Variants in AGBL1 observed in about 807,000 individuals in gnomAD.
The protein encoded by AGBL1 is AGBL carboxypeptidase 1, also known as cytosolic carboxypeptidase 4.
Under a neutral mutation model 118.9 loss-of-function variants are expected in AGBL1, and 130 were observed. That is an observed-to-expected ratio of 1.09 (90% confidence interval 0.95 to 1.26). The LOEUF is 1.26. Among genes scored for constraint, AGBL1 ranks in the 50% most tolerant of loss-of-function variants. The probability of loss-of-function intolerance (pLI) is 0.00; values close to 1 mark genes in which losing one functional copy is unlikely to be tolerated. For synonymous variants in AGBL1, 555 were observed against 478.9 expected, an observed-to-expected ratio of 1.16 and a Z score of -2.08; for missense variants, 1,584 against 1,298.1, an observed-to-expected ratio of 1.22 and a Z score of -3.38.
chr15:86,339,783 A>G (rs563464349), intron 17 of AGBL1, among the ~76,000 whole-genome samples: 5 of 152,254 alleles, frequency 3.3e-5, no homozygotes, highest in African/African-American at 1.2e-4. Context: ...CCTGGCCAAC[A>G]TGATGAAACC....
In AGBL1 at chr15:86,271,640, C is replaced by T. The variant is rs768375238; in HGVS notation, c.2009C>T (p.Ser670Phe). Residue 670 changes from serine (S) to phenylalanine (F), a missense_variant, in exon 15 of 23, where the codon TCT becomes TTT. Ser to Phe is a radical substitution (Grantham distance 155). Coordinates refer to ENST00000614907, the MANE Select transcript of AGBL1 (RefSeq NM_001386094.1). ...FNYGMQPTLY[S>F]VKEALLGKPT... is the part of the protein sequence containing the mutation. ...GTAGGGATGCAGCCCACCCTATATTCTGTGAAGGAGGCTCTTCTTGGCAAA... is the reference window on the plus strand; with the variant it reads ...GTAGGGATGCAGCCCACCCTATATTTTGTGAAGGAGGCTCTTCTTGGCAAA... 8 of 1,612,586 alleles carry T rather than the reference C, an allele frequency of 5.0e-6. No homozygotes were observed. Among genetic ancestry groups the T allele is most frequent in the Non-Finnish European group, 5.9e-6 (7 of 1,178,660 alleles).
At chr15:86,952,344 T>G (rs566625069) in intron 23 of AGBL1, among the ~76,000 whole-genome samples, 1 of 152,350 alleles carries the variant, frequency 6.6e-6, no homozygotes, top group South Asian at 2.1e-4. Flanking sequence ...TATTTATATT[T>G]AAAACATGCT....
chr15:86,334,464 A>G (rs914572278), intron 17 of AGBL1, among the ~76,000 whole-genome samples: 1 of 152,246 alleles, frequency 6.6e-6, no homozygotes, highest in Admixed American at 6.5e-5. Flanking sequence ...CAAGGAGGTG[A>G]AAGATCCCTA....
intron 21 of AGBL1, among the ~76,000 whole-genome samples, chr15:86,669,082 C>T (rs2085696154): frequency 6.6e-6 from 1 of 151,444 alleles, no homozygotes; most frequent in Non-Finnish European, 1.5e-5. Flanking sequence ...CACCAATCTA[C>T]AAAAACAGAC....
chr15:86,958,254 A>T (rs1241434616), intron 23 of AGBL1, among the ~76,000 whole-genome samples: 2 of 150,240 alleles, frequency 1.3e-5, no homozygotes, highest in African/African-American at 4.9e-5. Context: ...GTAGAATGGG[A>T]CTCTCCTTTG....
intron 19 of AGBL1, among the ~76,000 whole-genome samples, chr15:86,535,804 T>A (rs2083418173): frequency 6.6e-6 from 1 of 152,234 alleles, no homozygotes; most frequent in Non-Finnish European, 1.5e-5. Context: ...GATGGCGTAT[T>A]CCTTTCTATA....
chr15:86,745,284 T>C (rs2077739541), intron 22 of AGBL1, among the ~76,000 whole-genome samples: 1 of 152,002 alleles, frequency 6.6e-6, no homozygotes, highest in South Asian at 2.1e-4. Context: ...GAAGAAGGGG[T>C]ATTATTATCC....
chr15:86,768,330 A>G (rs1039656448), intron 22 of AGBL1, among the ~76,000 whole-genome samples: 1 of 151,996 alleles, frequency 6.6e-6, no homozygotes, highest in African/African-American at 2.4e-5. Flanking sequence ...AACGTAACAT[A>G]GCATAACATA....
intron 22 of AGBL1, among the ~76,000 whole-genome samples, chr15:86,903,004 CTCT>C (rs144777615): frequency 0.013 from 1,958 of 152,196 alleles, 40 homozygotes; most frequent in African/African-American, 0.044. Context: ...TTCACAGCCT[CTCT>C]TCTTTTGGGA....
intron 21 of AGBL1, among the ~76,000 whole-genome samples, chr15:86,610,155 C>CATAATACA (rs1416472170): frequency 6.6e-5 from 10 of 152,130 alleles, no homozygotes; most frequent in African/African-American, 2.4e-4. Context: ...CTTTCTGTAG[C>CATAATACA]ATAATACATT....
intron 5 of AGBL1, among the ~76,000 whole-genome samples, chr15:86,185,668 A>G (rs1009438608): frequency 6.6e-5 from 10 of 150,728 alleles, no homozygotes; most frequent in African/African-American, 2.4e-4. Flanking sequence ...AAAAAACCAA[A>G]CACTGCATGT....
At chr15:86,514,488 C>T (rs919488710) in intron 18 of AGBL1, among the ~76,000 whole-genome samples, 6 of 152,080 alleles carry the variant, frequency 3.9e-5, no homozygotes, top group Non-Finnish European at 1.5e-5. Context: ...TTTCTTCTTA[C>T]TTCGTTTAGT....
At chr15:86,668,999 G>A (rs1480523091) in intron 21 of AGBL1, among the ~76,000 whole-genome samples, 2 of 152,094 alleles carry the variant, frequency 1.3e-5, no homozygotes, top group Non-Finnish European at 2.9e-5. Flanking sequence ...CTCTATAGTG[G>A]TTCCTGATTG....
intron 18 of AGBL1, among the ~76,000 whole-genome samples, chr15:86,508,006 T>C (rs1013879920): frequency 2.0e-5 from 2 of 101,976 alleles, no homozygotes; most frequent in African/African-American, 1.3e-4. Context: ...GTGATTTGCC[T>C]TTTTTTTTTT....
intron 23 of AGBL1, among the ~76,000 whole-genome samples, chr15:86,927,075 G>T (rs1450625848): frequency 6.6e-6 from 1 of 151,740 alleles, no homozygotes; most frequent in Non-Finnish European, 1.5e-5. Flanking sequence ...GAAGGCAGAG[G>T]TTGCAGTGAG....
intron 21 of AGBL1, among the ~76,000 whole-genome samples, chr15:86,638,330 G>A (rs2085133724): frequency 6.6e-6 from 1 of 152,164 alleles, no homozygotes. Context: ...AATGACAATG[G>A]TGTGGGATCT....
intron 5 of AGBL1, among the ~76,000 whole-genome samples, chr15:86,179,941 T>G (rs1324686233): frequency 1.3e-5 from 2 of 152,118 alleles, no homozygotes; most frequent in Admixed American, 1.3e-4. Context: ...TTTAATAATA[T>G]AGTTTACAAT....
At chr15:86,946,313 T>C (rs762714247) in intron 23 of AGBL1, 3 of 152,168 alleles carry the variant, frequency 2.0e-5, no homozygotes, top group Non-Finnish European at 4.4e-5. Context: ...ACACTGAAAT[T>C]AATAAAAATT....
intron 22 of AGBL1, among the ~76,000 whole-genome samples, chr15:86,838,047 G>A (rs1208452897): frequency 1.3e-5 from 2 of 151,910 alleles, no homozygotes; most frequent in African/African-American, 4.8e-5. Context: ...CTAGTTTTTG[G>A]GTCCTGACAG....
Sources: allele counts gnomAD v4.1 joint callset (sites outside exome capture counted in the v4.1 genomes callset), GRCh38; gene constraint gnomAD v4.1.1; transcripts MANE v1.5; gene names NCBI Gene and HGNC (gene_info 2026-07-23, HGNC 2026-07-21).